ACOT7: variants seen among roughly 807,000 people sequenced by gnomAD.
ACOT7 encodes acyl-CoA thioesterase 7.
ACOT7 carries 12 observed loss-of-function variants against 40.2 expected under a neutral mutation model. That is an observed-to-expected ratio of 0.30 (90% CI 0.19 to 0.48). The LOEUF (loss-of-function observed/expected upper bound fraction) is 0.48. Among genes scored for constraint, ACOT7 ranks in the 20% least tolerant of loss-of-function variants. The pLI, the probability that ACOT7 is intolerant of heterozygous loss-of-function variation, is 0.99. For missense variants in ACOT7, 395 were observed against 530.8 expected (o/e 0.74, Z 2.51); for synonymous variants, 228 against 219.5 (o/e 1.04, Z -0.34).
At chr1:6,348,721 T>C (rs1018506401) in intron 2 of ACOT7, among the ~76,000 whole-genome samples, 2 of 152,182 alleles carry the variant, frequency 1.3e-5, no homozygotes, top group African/African-American at 4.8e-5. Flanking sequence ...AGAAATGCAT[T>C]TCCATTGTTC....
At chr1:6,307,326 C>T (rs1640185002) in intron 6 of ACOT7, among the ~76,000 whole-genome samples, 1 of 152,268 alleles carries the variant, frequency 6.6e-6, no homozygotes, top group Non-Finnish European at 1.5e-5. Context: ...CGCAGTCCTT[C>T]CCACGCAGGA....
chr1:6,325,334 C>G (rs1434101607), intron 5 of ACOT7, among the ~76,000 whole-genome samples: 1 of 151,376 alleles, frequency 6.6e-6, no homozygotes, highest in Admixed American at 6.6e-5. Flanking sequence ...GGAGGCAGAG[C>G]TTGCAGTGAG....
intron 2 of ACOT7, among the ~76,000 whole-genome samples, chr1:6,340,569 C>T: frequency 6.6e-6 from 1 of 152,178 alleles, no homozygotes; most frequent in South Asian, 2.1e-4. Flanking sequence ...GCTTTTTTCC[C>T]AAGAATCGGG....
intron 1 of ACOT7, among the ~76,000 whole-genome samples, chr1:6,388,435 T>C (rs2148484522): frequency 6.6e-6 from 1 of 150,720 alleles, no homozygotes; most frequent in East Asian, 2.0e-4. Flanking sequence ...TTAATTCCAT[T>C]ATAAAACCAA....
Position 6,274,397 on chromosome 1 carries a change from C to A in ACOT7, c.1014+6705G>T, listed in dbSNP as rs963368566. Among the ~76,000 whole-genome samples, 1 of 152,226 alleles carries A rather than the reference C, an allele frequency of 6.6e-6. No individual in the cohort carries two copies. Among genetic ancestry groups the A allele is most frequent in the African/African-American group, 2.4e-5 (1 of 41,462 alleles). ...AGGCTGCAGAGGGCCTTTCAGCTGA[C>A]TTAAGCCCTGGGGCCCATCCCGCCC... On this transcript the variant is annotated intron_variant, in intron 8 of 8. Transcript: ENST00000361521. The surrounding 1 kb of genome is among the most constrained non-coding windows in gnomAD (Gnocchi z 5.9).
chr1:6,379,576 A>C (rs1000557660), intron 1 of ACOT7, among the ~76,000 whole-genome samples: 7 of 149,814 alleles, frequency 4.7e-5, no homozygotes, highest in Admixed American at 2.6e-4. Context: ...CAATCCTCTC[A>C]CCTCAGCCTC....
intron 8 of ACOT7, among the ~76,000 whole-genome samples, chr1:6,276,513 G>C (rs963668097): frequency 1.3e-5 from 2 of 152,054 alleles, no homozygotes; most frequent in African/African-American, 4.8e-5. Context: ...TCCAAGCAGA[G>C]AGGCTGCATC....
At chr1:6,284,125 G>C (rs1377449208) in intron 7 of ACOT7, among the ~76,000 whole-genome samples, 1 of 152,232 alleles carries the variant, frequency 6.6e-6, no homozygotes, top group Admixed American at 6.5e-5. Flanking sequence ...CCCTGGTTTA[G>C]GGTATCCCAT....
At chr1:6,369,532 G>A (rs4908883) in intron 1 of ACOT7, among the ~76,000 whole-genome samples, 9 of 146,600 alleles carry the variant, frequency 6.1e-5, no homozygotes, top group Non-Finnish European at 1.2e-4. Flanking sequence ...TCAGCCTCCT[G>A]AGTAGCTGGG....
At chr1:6,360,155 A>G (rs1037661498) in intron 1 of ACOT7, among the ~76,000 whole-genome samples, 7 of 152,268 alleles carry the variant, frequency 4.6e-5, no homozygotes, top group Non-Finnish European at 1.0e-4. Flanking sequence ...CAGCTTACAA[A>G]CCCCACACGC....
intron 2 of ACOT7, among the ~76,000 whole-genome samples, chr1:6,341,058 C>T (rs1035851603): frequency 6.6e-6 from 1 of 151,660 alleles, no homozygotes; most frequent in Non-Finnish European, 1.5e-5. Context: ...AACAACAAAA[C>T]ACTAAATACA....
intron 6 of ACOT7, among the ~76,000 whole-genome samples, chr1:6,310,357 C>G (rs915788994): frequency 6.6e-6 from 1 of 152,202 alleles, no homozygotes; most frequent in African/African-American, 2.4e-5. Flanking sequence ...CAGAACCACT[C>G]GGGGTGCGAT....
intron 1 of ACOT7, among the ~76,000 whole-genome samples, chr1:6,372,554 C>CTTT (rs563026803): frequency 0.026 from 3,290 of 128,486 alleles, 150 homozygotes; most frequent in African/African-American, 0.076. Context: ...TAACTTTTGG[C>CTTT]TTTTTTTTTT....
chr1:6,272,635 C>T (rs958371849), intron 8 of ACOT7, among the ~76,000 whole-genome samples: 4 of 152,162 alleles, frequency 2.6e-5, no homozygotes, highest in African/African-American at 4.8e-5. Flanking sequence ...TGTGTCTGGC[C>T]GCAAAGAGCC....
intron 1 of ACOT7, among the ~76,000 whole-genome samples, chr1:6,389,376 AT>A (rs990752060): frequency 2.0e-5 from 3 of 152,146 alleles, no homozygotes; most frequent in African/African-American, 7.2e-5. Flanking sequence ...GTCCCCCTCC[AT>A]CAGCATGGTT....
At chr1:6,373,631 A>G (rs55945329) in intron 1 of ACOT7, among the ~76,000 whole-genome samples, 19,410 of 151,544 alleles carry the variant, frequency 0.13, 1,950 homozygotes, top group African/African-American at 0.28. Flanking sequence ...TTGAGAGGCC[A>G]AGGTGGGTGG....
At chr1:6,347,218 C>G (rs919924218) in intron 2 of ACOT7, among the ~76,000 whole-genome samples, 8 of 152,108 alleles carry the variant, frequency 5.3e-5, no homozygotes, top group Non-Finnish European at 5.9e-5. Flanking sequence ...CAGAGACCCC[C>G]TCCTAAGCCT....
Position 6,355,991 on chromosome 1 carries a change from G to A in ACOT7, c.144-6125C>T, listed in dbSNP as rs552183700. Among the ~76,000 whole-genome samples the A allele has an allele frequency of 1.5e-4, 23 of 152,314 alleles. 1 individual carries two copies. The East Asian group carries it at 1.7e-3, about 11-fold the overall frequency. ...TAAGCCACATGGAGCCTGAGTACTG[G>A]GTTGAATTGTGTCCCCCAAAAGATG... On this transcript the variant is annotated intron_variant, in intron 1 of 8. Transcript: ENST00000361521. The surrounding 1 kb of genome is among the most constrained non-coding windows in gnomAD (Gnocchi z 5.0).
chr1:6,360,475 C>A, intron 1 of ACOT7: 12 of 1,507,616 alleles, frequency 8.0e-6, no homozygotes, highest in Non-Finnish European at 9.2e-6. Context: ...GAAGCCACAG[C>A]GTCTCCCACC....
Sources: gnomAD v4.1 joint callset for allele counts (sites outside exome capture counted in the v4.1 genomes callset) on GRCh38, gnomAD v4.1.1 for gene constraint, Gnocchi (gnomAD v3.1) non-coding constraint, MANE v1.5 for transcripts, NCBI Gene and HGNC (gene_info 2026-07-23, HGNC 2026-07-21) for gene names.